Variants in SLC9C2 observed in about 807,000 individuals in gnomAD.
The protein encoded by SLC9C2 is solute carrier family 9 member C2 (putative).
In SLC9C2, 75 loss-of-function variants were observed where a neutral mutation model predicts 140.2. That is an observed-to-expected ratio of 0.53 (90% CI 0.44 to 0.65). SLC9C2 has a LOEUF of 0.65. SLC9C2 is among the 30% of genes least tolerant of loss of function. SLC9C2 has a pLI of 0.00. For missense variants in SLC9C2, 1,074 were observed against 1,331.8 expected (o/e 0.81, Z 3.01); for synonymous variants, 375 against 420.9 (o/e 0.89, Z 1.34).
At chr1:173,546,471 C>T (rs1208811936) in intron 13 of SLC9C2, among the ~76,000 whole-genome samples, 1 of 152,164 alleles carries the variant, frequency 6.6e-6, no homozygotes, top group Admixed American at 6.5e-5. Flanking sequence ...ATTCCAGCTA[C>T]CAGGGAGGCT....
chr1:173,509,543 T>A, intron 24 of SLC9C2, 25 bp downstream of exon 24: 1 of 1,477,092 alleles, frequency 6.8e-7, no homozygotes, highest in Non-Finnish European at 9.0e-7. Context: ...ATTCAATTTA[T>A]TAATATTTTA....
At chr1:173,528,094 G>C (rs1195972410) in intron 18 of SLC9C2, among the ~76,000 whole-genome samples, 1 of 152,100 alleles carries the variant, frequency 6.6e-6, no homozygotes, top group Non-Finnish European at 1.5e-5. Context: ...GAACGCCTTT[G>C]CACAAAAGCG....
intron 11 of SLC9C2, among the ~76,000 whole-genome samples, chr1:173,551,375 T>C (rs1663294369): frequency 6.6e-6 from 1 of 152,220 alleles, no homozygotes; most frequent in African/African-American, 2.4e-5. Flanking sequence ...GGTTTATTGA[T>C]GAATCTGTGA....
Position 173,505,337 on chromosome 1 carries a change from G to A in SLC9C2, c.3226-6C>T. Reference sequence around the variant, plus strand: ...AAATCAGAAGTTCCCTGAACCTAGAGGAGAAAAGTCAAAATTAGTCAAAAG... The same window carrying A: ...AAATCAGAAGTTCCCTGAACCTAGAAGAGAAAAGTCAAAATTAGTCAAAAG... On this transcript the variant is annotated splice_polypyrimidine_tract_variant and splice_region_variant and intron_variant, in intron 25 of 27. Transcript: ENST00000367714. 1.2e-6 allele frequency: 2 copies of A among 1,612,318 alleles called. No homozygotes were observed. Among genetic ancestry groups the A allele is most frequent in the South Asian group, 2.2e-5 (2 of 90,974 alleles).
intron 8 of SLC9C2, among the ~76,000 whole-genome samples, chr1:173,575,917 C>A (rs1665153122): frequency 6.6e-6 from 1 of 152,048 alleles, no homozygotes. Flanking sequence ...AAAGAAAATA[C>A]CATCTTCTAT....
intron 3 of SLC9C2, among the ~76,000 whole-genome samples, chr1:173,598,952 G>T (rs960632742): frequency 6.6e-6 from 1 of 152,196 alleles, no homozygotes; most frequent in African/African-American, 2.4e-5. Context: ...ACACTGCTAT[G>T]CAGTTGAAAT....
At chr1:173,566,940 C>T (rs1463768267) in intron 9 of SLC9C2, among the ~76,000 whole-genome samples, 8 of 151,938 alleles carry the variant, frequency 5.3e-5, no homozygotes, top group Admixed American at 5.2e-4. Context: ...CATTGATGCA[C>T]TTTCATTCAG....
At chr1:173,524,693 A>G in intron 20 of SLC9C2, 86 bp downstream of exon 20, 1 of 1,477,936 alleles carries the variant, frequency 6.8e-7, no homozygotes, top group Non-Finnish European at 9.2e-7. Context: ...TGGTTAAACA[A>G]TTTTTTCAAT....
Position 173,530,015 on chromosome 1 carries a change from T to A in SLC9C2, c.2203A>T (p.Ile735Phe), listed in dbSNP as rs765245423. 6.2e-7 allele frequency: 1 copy of A among 1,612,748 alleles called. No individual in the cohort carries two copies. Among genetic ancestry groups the A allele is most frequent in the Non-Finnish European group, 8.5e-7 (1 of 1,179,722 alleles). ...TACATCAAGCTGAGGCGCTTTTTGA[T>A]CTGCACATCTGCAATTCTTATCAGT... ...PILIRIADVQ[I>F]KKRLSLMYSI... Residue 735 changes from isoleucine (I) to phenylalanine (F), a missense_variant, in exon 18 of 28, where the codon ATC (isoleucine) becomes TTC (phenylalanine). Transcript: ENST00000367714.
chr1:173,582,125 C>T lies in SLC9C2; in HGVS notation c.641-117G>A, dbSNP rs116248365. ...TTGCTTGTGAGATTTTGAGTGGACA[C>T]CTTATTTGTCAGCAAATAGGAGTGT... On this transcript the variant is annotated intron_variant, in intron 6 of 27. Transcript: ENST00000367714. 1,618 of 703,426 alleles carry T rather than the reference C, an allele frequency of 2.3e-3. 12 individuals are homozygous for T. The highest frequency in any genetic ancestry group is 0.023 in the African/African-American group (1,270 of 55,310). The allele number at this position is 703,426 out of a possible 1,614,324, so 43.6% of individuals were successfully genotyped here.
intron 23 of SLC9C2, among the ~76,000 whole-genome samples, chr1:173,511,068 C>T (rs1432735036): frequency 8.5e-6 from 1 of 117,942 alleles, no homozygotes; most frequent in African/African-American, 3.5e-5. Flanking sequence ...CAGAGTCTCA[C>T]TCTCTCACTA....
intron 27 of SLC9C2, 41 bp from the exon 28 acceptor site, chr1:173,501,138 A>G: frequency 3.3e-6 from 5 of 1,495,380 alleles, no homozygotes; most frequent in South Asian, 1.4e-5. Flanking sequence ...GCCTATAAAC[A>G]TTTCAGGAAA....
rs1284694297 is a variant in SLC9C2 at position 173,548,343 on chromosome 1, C to G, written c.1461+46G>C. The G allele has an allele frequency of 4.5e-6, 7 of 1,569,554 alleles. No individual in the cohort carries two copies. In the South Asian group the frequency reaches 8.4e-5, roughly 19 times the overall value. On this transcript the variant is annotated intron_variant, in intron 12 of 27. Coordinates refer to ENST00000367714, the MANE Select transcript of SLC9C2 (RefSeq NM_178527.4). ...AATAGGCTAAAGCAAGTGAGGCAGACCAAGGGAAGGAAAGGAAAACTACTT... is the reference window on the plus strand; with the variant it reads ...AATAGGCTAAAGCAAGTGAGGCAGAGCAAGGGAAGGAAAGGAAAACTACTT...
At chr1:173,571,511 T>A (rs1294013476) in intron 9 of SLC9C2, 3 of 152,220 alleles carry the variant, frequency 2.0e-5, no homozygotes, top group African/African-American at 7.2e-5. Flanking sequence ...CCTTGCCCAC[T>A]GGGTTGAATT....
chr1:173,579,056 T>C (rs1665362601), intron 7 of SLC9C2, among the ~76,000 whole-genome samples: 1 of 152,192 alleles, frequency 6.6e-6, no homozygotes, highest in Admixed American at 6.6e-5. Flanking sequence ...GAAATCAGTA[T>C]ATATAGCACA....
chr1:173,523,888 C>T, intron 21 of SLC9C2, 81 bp downstream of exon 21: 1 of 1,526,226 alleles, frequency 6.6e-7, no homozygotes, highest in Non-Finnish European at 8.8e-7. Flanking sequence ...ATATGCTTTT[C>T]TGTTAATCTT....
chr1:173,528,971 T>C lies in SLC9C2; in HGVS notation c.2313+934A>G, dbSNP rs75000297. ...CAGAATTAACACAGGAAGCAAAATA[T>C]CTTTTAAGATGAAAAGAAGATTCTA... is the stretch of plus-strand genomic sequence containing the variant. On this transcript the variant is annotated intron_variant, in intron 18 of 27. Transcript: ENST00000367714. Among the ~76,000 whole-genome samples, 818 of 152,298 alleles carry C rather than the reference T, an allele frequency of 5.4e-3. 5 individuals carry two copies. The highest frequency in any genetic ancestry group is 0.017 in the African/African-American group (725 of 41,554).
rs866343119 is a variant in SLC9C2 at position 173,601,793 on chromosome 1, C to T, written c.-17G>A. On this transcript the variant is annotated 5_prime_UTR_variant, in exon 2 of 28. Coordinates refer to ENST00000367714, the MANE Select transcript of SLC9C2 (RefSeq NM_178527.4). The stretch of plus-strand genomic sequence containing the variant: ...AGAACTCATTTTTGCTGCTGCTTTT[C>T]CCCAGACCTAACTTGATGGAGTGGT... 6.2e-7 allele frequency: 1 copy of T among 1,613,422 alleles called. No individual in the cohort carries two copies. Among genetic ancestry groups the T allele is most frequent in the Non-Finnish European group, 8.5e-7 (1 of 1,179,638 alleles).
At position 173,505,233 on chromosome 1, in the gene SLC9C2, G is replaced by A. The variant is rs377652471; in HGVS notation, c.3310+14C>T. On this transcript the variant is annotated intron_variant, in intron 26 of 27. Transcript: ENST00000367714. ...TCTCAATAGTTTTCCTACCACTAAA[G>A]GTCTACCCCTTACCCATGACATTGG... The A allele has an allele frequency of 2.7e-5, 44 of 1,603,704 alleles. No homozygotes were observed. In the African/African-American group the frequency reaches 4.6e-4, roughly 17 times the overall value.
Sources: gnomAD v4.1 joint callset for allele counts (sites outside exome capture counted in the v4.1 genomes callset) on GRCh38, gnomAD v4.1.1 for gene constraint, MANE v1.5 for transcripts, NCBI Gene and HGNC (gene_info 2026-07-23, HGNC 2026-07-21) for gene names.